The following TMC2 variants were observed in gnomAD, a reference collection of about 807,000 sequenced individuals.
TMC2 encodes transmembrane channel like 2.
TMC2 carries 102 observed loss-of-function variants against 105.9 expected under a neutral mutation model. The ratio of observed to expected loss-of-function variants is 0.96; its 90% CI spans 0.82 to 1.14. The LOEUF is 1.14. Ranked by LOEUF, TMC2 falls within the 50% of genes most tolerant of loss-of-function variation. The pLI is 0.00. For synonymous variants in TMC2, 402 were observed against 422.8 expected (o/e 0.95, Z 0.60); for missense variants, 1,093 against 1,134.3 (o/e 0.96, Z 0.52).
At chr20:2,614,962 G>A (rs1168250241) in intron 14 of TMC2, among the ~76,000 whole-genome samples, 1 of 152,132 alleles carries the variant, frequency 6.6e-6, no homozygotes, top group Non-Finnish European at 1.5e-5. Flanking sequence ...GAGTGAGGAA[G>A]ATTTGTCTAA....
chr20:2,548,413 C>T (rs142133688), intron 2 of TMC2, among the ~76,000 whole-genome samples: 6 of 152,006 alleles, frequency 3.9e-5, no homozygotes, highest in South Asian at 2.1e-4. Context: ...CCAAGGCAGG[C>T]GGATCACCCG....
chr20:2,578,657 T>C (rs2086164647), intron 5 of TMC2, among the ~76,000 whole-genome samples: 1 of 152,204 alleles, frequency 6.6e-6, no homozygotes, highest in South Asian at 2.1e-4. Flanking sequence ...CAGCTATGGG[T>C]TGAGATCTCC....
At chr20:2,628,885 G>A (rs533219765) in intron 17 of TMC2, among the ~76,000 whole-genome samples, 2 of 152,272 alleles carry the variant, frequency 1.3e-5, no homozygotes, top group East Asian at 1.9e-4. Flanking sequence ...GGCAGATCAC[G>A]AGGTCAGGAG....
intron 18 of TMC2, among the ~76,000 whole-genome samples, chr20:2,637,173 C>T (rs2086653843): frequency 6.6e-6 from 1 of 151,044 alleles, no homozygotes; most frequent in Non-Finnish European, 1.5e-5. Context: ...TGGATCACCT[C>T]AAGTCAGGAG....
intron 10 of TMC2, among the ~76,000 whole-genome samples, chr20:2,599,424 T>C (rs1166821973): frequency 6.6e-6 from 1 of 151,616 alleles, no homozygotes; most frequent in African/African-American, 2.4e-5. Context: ...ACCATCCAGC[T>C]GGGAAGCAAA....
intron 16 of TMC2, among the ~76,000 whole-genome samples, chr20:2,622,760 G>A (rs1237123000): frequency 2.6e-5 from 4 of 152,034 alleles, no homozygotes; most frequent in Non-Finnish European, 5.9e-5. Context: ...AGCCATTGTC[G>A]GTGAACTCCT....
Position 2,616,959 on chromosome 20 carries a change from G to A in TMC2, c.1941-113G>A. On this transcript the variant is annotated intron_variant, in intron 15 of 19. Coordinates refer to ENST00000358864, the MANE Select transcript of TMC2 (RefSeq NM_080751.3). This position sits in a 1 kb window ranked among gnomAD's most constrained non-coding sequence, Gnocchi z 4.8. ...AGGCCCCTTACCTGGGGACTTGCCAGGAAAGCAGCTCGGCCTCATGCCCCT... is the reference window on the plus strand; with the variant it reads ...AGGCCCCTTACCTGGGGACTTGCCAAGAAAGCAGCTCGGCCTCATGCCCCT... The A allele has an allele frequency of 7.7e-7, 1 of 1,294,234 alleles. No homozygotes were observed. The highest frequency in any genetic ancestry group is 1.1e-6 in the Non-Finnish European group (1 of 931,366). The allele number at this position is 1,294,234 out of a possible 1,614,324, so 80.2% of individuals were successfully genotyped here.
rs558441066 is a variant in TMC2 at position 2,584,856 on chromosome 20, G to A, written c.834+4800G>A. Among the ~76,000 whole-genome samples, 168 of 151,614 alleles carry A rather than the reference G, an allele frequency of 1.1e-3. 4 individuals carry two copies. The South Asian group carries it at 0.015, about 14-fold the overall frequency. On this transcript the variant is annotated intron_variant, in intron 7 of 19. Transcript: ENST00000358864. ...ATCAAGTAAAATTTACTCCTTTTAG[G>A]TATACAATTCAATGACTTTTGACAA...
intron 9 of TMC2, among the ~76,000 whole-genome samples, chr20:2,595,442 G>T (rs1052676437): frequency 1.1e-4 from 17 of 152,082 alleles, no homozygotes; most frequent in African/African-American, 4.1e-4. Context: ...TTAGAACCAA[G>T]GCTGGCATAT....
At chr20:2,615,512 C>A (rs1382041923) in intron 14 of TMC2, among the ~76,000 whole-genome samples, 2 of 152,166 alleles carry the variant, frequency 1.3e-5, no homozygotes, top group African/African-American at 4.8e-5. Flanking sequence ...TCATGAGGAC[C>A]CTCATATCCT....
At chr20:2,585,618 T>G (rs970437563) in intron 7 of TMC2, among the ~76,000 whole-genome samples, 6 of 152,196 alleles carry the variant, frequency 3.9e-5, no homozygotes, top group African/African-American at 1.4e-4. Flanking sequence ...TACTGGCAGA[T>G]CTCAGAAGAT....
intron 10 of TMC2, among the ~76,000 whole-genome samples, chr20:2,599,539 ATTTTTT>A (rs11409325): frequency 4.7e-5 from 4 of 85,514 alleles, no homozygotes; most frequent in Admixed American, 1.6e-4. Context: ...CTTTAATTAC[ATTTTTT>A]TTTTTTTTTT....
intron 17 of TMC2, among the ~76,000 whole-genome samples, chr20:2,634,984 G>A (rs937200211): frequency 2.0e-5 from 3 of 152,214 alleles, no homozygotes; most frequent in African/African-American, 4.8e-5. Context: ...GCCTAGCCCT[G>A]AGGGGGAAGG....
chr20:2,614,370 C>T (rs2086465176), intron 14 of TMC2, among the ~76,000 whole-genome samples: 1 of 152,020 alleles, frequency 6.6e-6, no homozygotes, highest in Admixed American at 6.6e-5. Context: ...CTTTGGGAGG[C>T]CAAATTAGGA....
chr20:2,560,801 C>A (rs901410280), intron 3 of TMC2, among the ~76,000 whole-genome samples: 2 of 149,404 alleles, frequency 1.3e-5, no homozygotes, highest in Non-Finnish European at 3.0e-5. Flanking sequence ...TGCGCCACTG[C>A]ACTCCAGCCT....
intron 7 of TMC2, among the ~76,000 whole-genome samples, chr20:2,586,855 C>A (rs896283603): frequency 3.3e-5 from 5 of 152,112 alleles, no homozygotes; most frequent in Admixed American, 1.3e-4. Context: ...TAGTTGCATG[C>A]CATATACTTT....
chr20:2,577,187 C>T (rs1328504707), intron 5 of TMC2, among the ~76,000 whole-genome samples: 3 of 151,972 alleles, frequency 2.0e-5, no homozygotes, highest in South Asian at 2.1e-4. Flanking sequence ...AGATTACAGG[C>T]GTGAGCAACC....
At chr20:2,602,730 A>C (rs1309164505) in intron 11 of TMC2, among the ~76,000 whole-genome samples, 1 of 152,240 alleles carries the variant, frequency 6.6e-6, no homozygotes, top group Non-Finnish European at 1.5e-5. Flanking sequence ...TGATAGAGCG[A>C]GTTTTCTCAT....
Position 2,558,788 on chromosome 20 carries a change from C to G in TMC2, c.401+14C>G, listed in dbSNP as rs767014030. The G allele has an allele frequency of 3.9e-6, 6 of 1,522,608 alleles. No homozygotes were observed. The highest frequency in any genetic ancestry group is 1.3e-5 in the South Asian group (1 of 75,122). 94.3% of individuals were successfully genotyped at this position (1,522,608 alleles called of 1,614,324 possible). On this transcript the variant is annotated intron_variant, in intron 3 of 19. Transcript: ENST00000358864. The surrounding 1 kb of genome is among the most constrained non-coding windows in gnomAD (Gnocchi z 4.6). ...GAAGAAACCCAGGTGTGTTGTGGCTCCGATTCTGGGCATTCGCTCCGCGCG... is the reference window on the plus strand; with the variant it reads ...GAAGAAACCCAGGTGTGTTGTGGCTGCGATTCTGGGCATTCGCTCCGCGCG...
Sources: gnomAD v4.1 joint callset for allele counts (sites outside exome capture counted in the v4.1 genomes callset) on GRCh38, gnomAD v4.1.1 for gene constraint, Gnocchi (gnomAD v3.1) non-coding constraint, MANE v1.5 for transcripts, NCBI Gene and HGNC (gene_info 2026-07-23, HGNC 2026-07-21) for gene names.